Variants in BCR observed in about 807,000 individuals in gnomAD.
The protein encoded by BCR is BCR activator of RhoGEF and GTPase.
BCR carries 58 observed loss-of-function variants against 138.6 expected under a neutral mutation model. The observed-to-expected ratio is 0.42, with a 90% CI of 0.34 to 0.52. BCR has a LOEUF of 0.52. BCR is among the 20% of genes least tolerant of loss of function. The probability of loss-of-function intolerance (pLI) is 0.06; values close to 1 mark genes in which losing one functional copy is unlikely to be tolerated. For synonymous variants in BCR, 786 were observed against 730.1 expected (o/e 1.08, Z -1.23); for missense variants, 1,599 against 1,727.2 (o/e 0.93, Z 1.32).
chr22:23,245,534 C>T (rs1351207799), intron 1 of BCR, among the ~76,000 whole-genome samples: 1 of 152,088 alleles, frequency 6.6e-6, no homozygotes, highest in Non-Finnish European at 1.5e-5. Flanking sequence ...GGTGCGGTGG[C>T]TAACTGGATG....
chr22:23,285,051 C>A lies in BCR; in HGVS notation c.2256C>A (p.Asp752Glu), dbSNP rs12484731. ...TCCCCAGCAAAACGCAGCAGTATGA[C>A]TGCAAATGGTACATTCCGCTCACGG... ...KQSGGKTQQY[D>E]CKWYIPLTDL... The change falls in exon 10 of 23, where the codon GAC (aspartate) becomes GAA (glutamate). Residue 752 changes from aspartate (D) to glutamate (E), a missense_variant. Asp to Glu is a conservative substitution (Grantham distance 45). This residue lies in a region of BCR where 590 missense variants were observed against 762.4 expected (regional missense o/e 0.77). Transcript: ENST00000305877. 6.2e-3 allele frequency: 9,973 copies of A among 1,613,952 alleles called. 486 individuals carry two copies. The Admixed American group carries it at 0.11, about 18-fold the overall frequency.
At chr22:23,216,305 A>G (rs2072751201) in intron 1 of BCR, among the ~76,000 whole-genome samples, 1 of 152,248 alleles carries the variant, frequency 6.6e-6, no homozygotes, top group South Asian at 2.1e-4. Flanking sequence ...CACCATGTTT[A>G]TAACCTCAGA....
rs2073991214 is a variant in BCR, at chr22:23,310,150, C to T, written c.3073-174C>T. 5.7e-6 allele frequency: 3 copies of T among 525,510 alleles called. No homozygotes were observed. In the East Asian group the frequency reaches 1.1e-4, roughly 20 times the overall value. 32.6% of individuals were successfully genotyped at this position (525,510 alleles called of 1,614,324 possible). ...GTCGTTTACATCATCTTCAACAATC[C>T]TGGCTCTTGCTGAAGTAGACTAGGG... On this transcript the variant is annotated intron_variant, in intron 17 of 22. Transcript: ENST00000305877.
At chr22:23,187,756 C>T (rs371301508) in intron 1 of BCR, among the ~76,000 whole-genome samples, 1 of 152,268 alleles carries the variant, frequency 6.6e-6, no homozygotes, top group East Asian at 1.9e-4. Flanking sequence ...ATATTCATCA[C>T]CTCAAACACA....
rs780726729 is a variant in BCR, at chr22:23,295,113, C to T, written c.2970C>T (p.Asp990=). 1.8e-4 allele frequency: 293 copies of T among 1,614,010 alleles called. No homozygotes were observed. Among genetic ancestry groups the T allele is most frequent in the Non-Finnish European group, 2.2e-4 (260 of 1,180,018 alleles). The change falls in exon 16 of 23, where the codon GAC becomes GAT. Residue 990 remains aspartate, a synonymous_variant. Transcript: ENST00000305877. The stretch of plus-strand genomic sequence containing the variant: ...ACAAGACGAAGATCCCCAAGGAGGA[C>T]GGCGAGAGCACGGACAGACTCATGG... ...CYNKTKIPKE[D]GESTDRLMGK...
At chr22:23,301,357 TC>T in intron 16 of BCR, among the ~76,000 whole-genome samples, 1 of 152,304 alleles carries the variant, frequency 6.6e-6, no homozygotes, top group Non-Finnish European at 1.5e-5. Context: ...GGCTCCAATT[TC>T]CCCAGCTCTG....
At chr22:23,313,665 G>C (rs528408836) in intron 20 of BCR, among the ~76,000 whole-genome samples, 1 of 152,184 alleles carries the variant, frequency 6.6e-6, no homozygotes, top group African/African-American at 2.4e-5. Flanking sequence ...CTCTGGGGAG[G>C]GGGTGGTGGC....
chr22:23,226,416 G>T (rs1307443795), intron 1 of BCR, among the ~76,000 whole-genome samples: 5 of 152,010 alleles, frequency 3.3e-5, no homozygotes, highest in Non-Finnish European at 7.4e-5. Flanking sequence ...TTGTCTTATG[G>T]TGTTTTACCT....
At chr22:23,275,875 A>G (rs755848536) in intron 8 of BCR, among the ~76,000 whole-genome samples, 3 of 152,188 alleles carry the variant, frequency 2.0e-5, no homozygotes, top group Non-Finnish European at 2.9e-5. Flanking sequence ...TCCTGTGCCT[A>G]GTCTGCTCCC....
chr22:23,258,018 AC>A (rs1307820179), intron 2 of BCR, among the ~76,000 whole-genome samples: 4 of 152,112 alleles, frequency 2.6e-5, no homozygotes, highest in African/African-American at 9.7e-5. Context: ...GGAGGCTCCC[AC>A]CCGTGGAGTC....
At chr22:23,248,383 A>G (rs2073179651) in intron 1 of BCR, among the ~76,000 whole-genome samples, 1 of 150,850 alleles carries the variant, frequency 6.6e-6, no homozygotes, top group African/African-American at 2.4e-5. Context: ...TTGGGTACAT[A>G]ACTAGGAGTA....
At chr22:23,217,002 C>G (rs2072761915) in intron 1 of BCR, 1 of 448,358 alleles carries the variant, frequency 2.2e-6, no homozygotes, top group East Asian at 7.2e-5. Flanking sequence ...AAGCTGGACT[C>G]TACCTCTTGA....
chr22:23,206,832 A>G (rs1026301109), intron 1 of BCR, among the ~76,000 whole-genome samples: 2 of 152,072 alleles, frequency 1.3e-5, no homozygotes, highest in African/African-American at 4.8e-5. Context: ...ACATTTATCT[A>G]TTTATCTATC....
chr22:23,246,473 A>G (rs1327401824), intron 1 of BCR, among the ~76,000 whole-genome samples: 1 of 152,092 alleles, frequency 6.6e-6, no homozygotes, highest in Non-Finnish European at 1.5e-5. Flanking sequence ...TTTTTGTTTG[A>G]ACACTAGTTT....
chr22:23,314,159 G>A, intron 21 of BCR, 86 bp downstream of exon 21: 6 of 1,102,642 alleles, frequency 5.4e-6, no homozygotes, highest in South Asian at 1.3e-5. Context: ...CCCCAACACC[G>A]AGGACCTTTT....
chr22:23,219,950 A>G (rs75362200), intron 1 of BCR, among the ~76,000 whole-genome samples: 10,262 of 152,152 alleles, frequency 0.067, 1,182 homozygotes, highest in African/African-American at 0.23. Flanking sequence ...TCTCGCCTCC[A>G]AGTCTGCAGT....
chr22:23,271,352 A>G (rs9608093), intron 5 of BCR, among the ~76,000 whole-genome samples, 180 bp from the exon 6 acceptor site: 38,707 of 152,218 alleles, frequency 0.25, 5,191 homozygotes, highest in Middle Eastern at 0.42. Context: ...CATCCAGGGC[A>G]TCCTGCGTGC....
At chr22:23,233,903 C>CA (rs912533332) in intron 1 of BCR, among the ~76,000 whole-genome samples, 1 of 150,932 alleles carries the variant, frequency 6.6e-6, no homozygotes, top group Non-Finnish European at 1.5e-5. Context: ...CAGCCAGGGA[C>CA]AAGGGCATGT....
At chr22:23,217,426 C>T (rs1197505763) in intron 1 of BCR, among the ~76,000 whole-genome samples, 1 of 152,204 alleles carries the variant, frequency 6.6e-6, no homozygotes, top group Non-Finnish European at 1.5e-5. Context: ...GCTCTCTCTT[C>T]GCCTTGCTGA....
Sources: allele counts gnomAD v4.1 joint callset (sites outside exome capture counted in the v4.1 genomes callset), GRCh38; gene constraint gnomAD v4.1.1; regional missense constraint gnomAD v4.1.1; transcripts MANE v1.5; gene names NCBI Gene and HGNC (gene_info 2026-07-23, HGNC 2026-07-21).